Variants in GRM1 observed in about 807,000 individuals in gnomAD.
The protein encoded by GRM1 is glutamate metabotropic receptor 1.
A neutral mutation model predicts 90.9 loss-of-function variants in GRM1; 33 were observed. That is an observed-to-expected ratio of 0.36 (90% CI 0.28 to 0.49). The LOEUF is 0.49. Among genes scored for constraint, GRM1 ranks in the 20% least tolerant of loss-of-function variants. GRM1 has a pLI of 0.99. For synonymous variants in GRM1, 700 were observed against 613.2 expected (o/e 1.14, Z -2.09); for missense variants, 1,190 against 1,534.3 (o/e 0.78, Z 3.75).
intron 2 of GRM1, among the ~76,000 whole-genome samples, chr6:146,296,588 A>T (rs999875837): frequency 2.9e-4 from 44 of 152,194 alleles, no homozygotes; most frequent in Admixed American, 2.9e-3. Context: ...CCTGCCTCCC[A>T]GAATGGTAAT....
intron 1 of GRM1, among the ~76,000 whole-genome samples, chr6:146,108,811 C>A (rs1286410564): frequency 6.6e-6 from 1 of 152,178 alleles, no homozygotes; most frequent in South Asian, 2.1e-4. Flanking sequence ...ATGGACCATA[C>A]AATCCAGGTT....
Position 146,304,806 on chromosome 6 carries a change from A to G in GRM1, c.1146A>G (p.Gly382=), listed in dbSNP as rs1783517573. 2.5e-6 allele frequency: 4 copies of G among 1,613,842 alleles called. No homozygotes were observed. Among genetic ancestry groups the G allele is most frequent in the Non-Finnish European group, 3.4e-6 (4 of 1,179,896 alleles). ...WQHRFQCRLP[G]HLLENPNFKR... is the part of the protein sequence containing the mutation. ...ATCGGTTCCAGTGCCGCCTTCCAGG[A>G]CACCTTCTGGAAAATCCCAACTTTA... The change falls in exon 3 of 8, where the codon GGA becomes GGG. Residue 382 remains glycine (G), a synonymous_variant. Coordinates refer to ENST00000282753, the MANE Select transcript of GRM1 (RefSeq NM_001278064.2).
chr6:146,284,722 T>G (rs1021536863), intron 2 of GRM1, among the ~76,000 whole-genome samples: 1 of 152,220 alleles, frequency 6.6e-6, no homozygotes, highest in African/African-American at 2.4e-5. Context: ...ATGTAAGACA[T>G]GCATTGCTTC....
At chr6:146,252,630 T>A (rs1292662556) in intron 2 of GRM1, among the ~76,000 whole-genome samples, 1 of 151,982 alleles carries the variant, frequency 6.6e-6, no homozygotes, top group Non-Finnish European at 1.5e-5. Context: ...CTAACAATTT[T>A]AAAAAAGGAT....
chr6:146,096,457 T>C (rs1776876902), intron 1 of GRM1, among the ~76,000 whole-genome samples: 3 of 152,196 alleles, frequency 2.0e-5, no homozygotes, highest in Admixed American at 1.3e-4. Flanking sequence ...TCCCAGCTGC[T>C]GGCCTGCTTA....
rs141907808 is a variant in GRM1, at chr6:146,282,124, T to C, written c.951-22487T>C. ...TACTGTCAGCACTGGTGCCTTTGTG[T>C]ACCTTTAACAGGCCACACTCTTTCC... On this transcript the variant is annotated intron_variant, in intron 2 of 7. Coordinates refer to ENST00000282753, the MANE Select transcript of GRM1 (RefSeq NM_001278064.2). 7.9e-5 allele frequency among the ~76,000 whole-genome samples: 12 copies of C among 152,224 alleles called. No homozygotes were observed. In the East Asian group the frequency reaches 2.1e-3, roughly 27 times the overall value.
chr6:146,030,282 G>C, intron 1 of GRM1, 65 bp downstream of exon 1: 2 of 1,091,770 alleles, frequency 1.8e-6, no homozygotes, highest in Non-Finnish European at 2.8e-6. Context: ...TGTGCTCCTG[G>C]GATCATAGTA....
chr6:146,351,220 T>C (rs1785397085), intron 3 of GRM1, among the ~76,000 whole-genome samples: 1 of 152,154 alleles, frequency 6.6e-6, no homozygotes, highest in Admixed American at 6.5e-5. Context: ...CTCAACCCCA[T>C]ATGCAGCTAA....
chr6:146,393,221 C>T (rs1776797979), intron 6 of GRM1, among the ~76,000 whole-genome samples: 1 of 152,116 alleles, frequency 6.6e-6, no homozygotes, highest in South Asian at 2.1e-4. Context: ...TTAATGATCA[C>T]CATTCTAACT....
chr6:146,162,728 C>T (rs971491836), intron 2 of GRM1, among the ~76,000 whole-genome samples: 2 of 151,942 alleles, frequency 1.3e-5, no homozygotes, highest in East Asian at 3.9e-4. Context: ...GAATAATGAA[C>T]TATACTGATA....
chr6:146,148,675 A>G (rs1316573740), intron 1 of GRM1, among the ~76,000 whole-genome samples: 3 of 152,230 alleles, frequency 2.0e-5, no homozygotes. Context: ...ATAATTTAAC[A>G]TACTTCATAG....
chr6:146,164,193 G>A (rs1777832595), intron 2 of GRM1, among the ~76,000 whole-genome samples: 1 of 152,192 alleles, frequency 6.6e-6, no homozygotes, highest in Non-Finnish European at 1.5e-5. Flanking sequence ...AATATATGTT[G>A]TCTCTAGTTC....
At chr6:146,418,236 C>T (rs751570609) in intron 7 of GRM1, among the ~76,000 whole-genome samples, 5 of 151,844 alleles carry the variant, frequency 3.3e-5, no homozygotes, top group Non-Finnish European at 7.4e-5. Context: ...TACATTATAT[C>T]TTTTTTTAAG....
At position 146,400,891 on chromosome 6, in the gene GRM1, G is replaced by A. The variant is rs544181155; in HGVS notation, c.2660+1192G>A. Among the ~76,000 whole-genome samples the A allele has an allele frequency of 2.6e-5, 4 of 152,128 alleles. No individual in the cohort carries two copies. The South Asian group carries it at 8.3e-4, about 32-fold the overall frequency. Reference sequence around the variant, plus strand: ...ATTTTGTAGGTGAGAAAAGTACTCTGCTGTAAATTTTTATAACTTGTATTT... The same window carrying A: ...ATTTTGTAGGTGAGAAAAGTACTCTACTGTAAATTTTTATAACTTGTATTT... On this transcript the variant is annotated intron_variant, in intron 7 of 7. Coordinates refer to ENST00000282753, the MANE Select transcript of GRM1 (RefSeq NM_001278064.2).
At chr6:146,181,550 G>A (rs1473069747) in intron 2 of GRM1, among the ~76,000 whole-genome samples, 1 of 152,130 alleles carries the variant, frequency 6.6e-6, no homozygotes, top group Non-Finnish European at 1.5e-5. Flanking sequence ...TATACCTACA[G>A]CACTTGATCT....
At chr6:146,347,701 C>T (rs913478864) in intron 3 of GRM1, among the ~76,000 whole-genome samples, 1 of 152,156 alleles carries the variant, frequency 6.6e-6, no homozygotes, top group South Asian at 2.1e-4. Context: ...ATGCTCCATA[C>T]CATGACCTGG....
At chr6:146,201,513 C>G (rs1453386041) in intron 2 of GRM1, among the ~76,000 whole-genome samples, 1 of 152,156 alleles carries the variant, frequency 6.6e-6, no homozygotes, top group Non-Finnish European at 1.5e-5. Flanking sequence ...CTTGCTATAT[C>G]CTCACATAGC....
intron 7 of GRM1, among the ~76,000 whole-genome samples, chr6:146,419,193 A>G (rs1777899838): frequency 6.6e-6 from 1 of 152,234 alleles, no homozygotes; most frequent in Admixed American, 6.5e-5. Flanking sequence ...ACATTATCAA[A>G]GAAACAGACG....
intron 2 of GRM1, among the ~76,000 whole-genome samples, chr6:146,186,279 A>G (rs1778729828): frequency 6.6e-6 from 1 of 151,838 alleles, no homozygotes; most frequent in Admixed American, 6.6e-5. Context: ...CACCTGGCCT[A>G]TAGATATACT....
Sources: allele counts gnomAD v4.1 joint callset (sites outside exome capture counted in the v4.1 genomes callset), GRCh38; gene constraint gnomAD v4.1.1; transcripts MANE v1.5; gene names NCBI Gene and HGNC (gene_info 2026-07-23, HGNC 2026-07-21).